Variants in PRELID2 observed in about 807,000 individuals in gnomAD.
The protein encoded by PRELID2 is PRELI domain containing 2.
PRELID2 carries 25 observed loss-of-function variants against 28.4 expected under a neutral mutation model. The ratio of observed to expected loss-of-function variants is 0.88; its 90% CI spans 0.64 to 1.23. The LOEUF is 1.23. Among genes scored for constraint, PRELID2 ranks in the 50% most tolerant of loss-of-function variants. The pLI, the probability that PRELID2 is intolerant of heterozygous loss-of-function variation, is 0.00. For synonymous variants in PRELID2, 76 were observed against 71.6 expected, an observed-to-expected ratio of 1.06 and a Z score of -0.31; for missense variants, 201 against 214.4, an observed-to-expected ratio of 0.94 and a Z score of 0.39.
intron 1 of PRELID2, among the ~76,000 whole-genome samples, chr5:145,492,854 C>T (rs2126627957): frequency 7.1e-6 from 1 of 140,786 alleles, no homozygotes; most frequent in African/African-American, 2.5e-5. Context: ...TATGGTCCCA[C>T]CTGGCACCAG....
At chr5:145,332,090 G>T in the PRELID2 span, among the ~76,000 whole-genome samples, 4 of 152,110 alleles carry the variant, frequency 2.6e-5, no homozygotes, top group Non-Finnish European at 5.9e-5. Context: ...GTTGAATATT[G>T]GCCCCCACTC....
intron 1 of PRELID2, among the ~76,000 whole-genome samples, chr5:145,740,581 T>A (rs1454277504): frequency 2.8e-3 from 6 of 2,160 alleles, no homozygotes; most frequent in South Asian, 9.3e-3. Context: ...AATATATATA[T>A]TATATATATA....
chr5:145,459,510 C>T, the PRELID2 span, among the ~76,000 whole-genome samples: 1 of 152,032 alleles, frequency 6.6e-6, no homozygotes, highest in Non-Finnish European at 1.5e-5. Flanking sequence ...CATAATCTAC[C>T]ATTTATATGT....
intron 1 of PRELID2, among the ~76,000 whole-genome samples, chr5:145,726,502 G>C (rs1756170339): frequency 6.6e-6 from 1 of 152,102 alleles, no homozygotes; most frequent in African/African-American, 2.4e-5. Flanking sequence ...TTTAATTCCT[G>C]GAGATGGATG....
chr5:145,734,419 A>G (rs957078930), intron 1 of PRELID2, among the ~76,000 whole-genome samples: 2 of 152,248 alleles, frequency 1.3e-5, no homozygotes, highest in Non-Finnish European at 2.9e-5. Flanking sequence ...ACCAGTTTAC[A>G]TAATAGGTGA....
At chr5:145,600,429 A>AT (rs1753376146) in intron 1 of PRELID2, among the ~76,000 whole-genome samples, 10 of 132,292 alleles carry the variant, frequency 7.6e-5, no homozygotes, top group East Asian at 4.3e-4. Flanking sequence ...GGAAAAAAAA[A>AT]AAAAAATATA....
At chr5:145,777,563 C>T (rs757012887) in intron 5 of PRELID2, among the ~76,000 whole-genome samples, 4 of 152,190 alleles carry the variant, frequency 2.6e-5, no homozygotes, top group Admixed American at 6.5e-5. Flanking sequence ...AGCAGCTGCT[C>T]CAAATGGCCT....
At chr5:145,740,364 G>C (rs1471328339) in intron 1 of PRELID2, among the ~76,000 whole-genome samples, 1 of 124,536 alleles carries the variant, frequency 8.0e-6, no homozygotes, top group East Asian at 2.3e-4. Flanking sequence ...TGCAAAATAT[G>C]TGCAGCAAAA....
At chr5:145,482,906 T>C (rs1752175482) in intron 1 of PRELID2, among the ~76,000 whole-genome samples, 1 of 151,976 alleles carries the variant, frequency 6.6e-6, no homozygotes, top group African/African-American at 2.4e-5. Flanking sequence ...AATGTGCTGC[T>C]GATCTGACAG....
chr5:145,532,055 C>T (rs925311554), intron 1 of PRELID2, among the ~76,000 whole-genome samples: 3 of 152,028 alleles, frequency 2.0e-5, no homozygotes, highest in Admixed American at 1.3e-4. Context: ...CTTGTAGTAA[C>T]AGCTCAATAA....
At chr5:145,419,164 A>G in the PRELID2 span, among the ~76,000 whole-genome samples, 2 of 150,484 alleles carry the variant, frequency 1.3e-5, no homozygotes, top group East Asian at 2.0e-4. Flanking sequence ...AGTCTTTGCT[A>G]TTGTGAATAA....
At chr5:145,446,902 T>C in the PRELID2 span, among the ~76,000 whole-genome samples, 4 of 151,542 alleles carry the variant, frequency 2.6e-5, no homozygotes, top group African/African-American at 9.7e-5. Context: ...CAAAATTAGC[T>C]AGGCATGGTG....
rs1405560887 is a variant in PRELID2 at position 145,740,286 on chromosome 5, AT to A, written n.70+24644del. 2.1e-3 allele frequency among the ~76,000 whole-genome samples: 162 copies of A among 76,382 alleles called. 6 individuals carry two copies. The highest frequency in any genetic ancestry group is 8.1e-3 in the African/African-American group (151 of 18,642). The allele number at this position is 76,382 out of a possible 152,430, so 50.1% of individuals were successfully genotyped here. A position where few individuals can be genotyped will look rare whatever the true frequency, so the allele number is the denominator to read the frequency against. ...ATCAAATATATATATATATATATAT[AT>A]ATATATATATATATATATATATATA... On this transcript the variant is annotated intron_variant and non_coding_transcript_variant, in intron 1 of 2. Transcript: ENST00000510259.
At chr5:145,500,078 C>T (rs1042381689) in intron 1 of PRELID2, among the ~76,000 whole-genome samples, 2 of 152,106 alleles carry the variant, frequency 1.3e-5, no homozygotes, top group African/African-American at 4.8e-5. Flanking sequence ...GAAGTTGTGT[C>T]GCAAGGTGGG....
chr5:145,663,651 G>A (rs560117273), intron 1 of PRELID2, among the ~76,000 whole-genome samples: 5 of 152,054 alleles, frequency 3.3e-5, no homozygotes, highest in South Asian at 2.1e-4. Context: ...TTATTAATAC[G>A]TGCCACACCA....
chr5:145,756,111 G>A (rs115866371), downstream of PRELID2, among the ~76,000 whole-genome samples: 530 of 152,194 alleles, frequency 3.5e-3, 4 homozygotes, highest in African/African-American at 0.012. Flanking sequence ...CTGGTCCTTC[G>A]TTCCATTAGC....
intron 1 of PRELID2, among the ~76,000 whole-genome samples, chr5:145,694,888 C>A (rs1755226309): frequency 2.0e-5 from 3 of 151,712 alleles, no homozygotes; most frequent in Admixed American, 2.0e-4. Context: ...AAAGGGTAGT[C>A]ATGCTAAGCC....
the PRELID2 span, among the ~76,000 whole-genome samples, chr5:145,410,996 A>C: frequency 6.6e-6 from 1 of 152,088 alleles, no homozygotes; most frequent in East Asian, 1.9e-4. Context: ...AAATACACCC[A>C]TTCCAAATGG....
intron 5 of PRELID2, among the ~76,000 whole-genome samples, chr5:145,776,223 T>C (rs1758400037): frequency 1.3e-5 from 2 of 152,186 alleles, no homozygotes; most frequent in Admixed American, 6.5e-5. Flanking sequence ...TCCTGGCACA[T>C]GAATCATCTC....
Sources: allele counts gnomAD v4.1 joint callset (sites outside exome capture counted in the v4.1 genomes callset), GRCh38; gene constraint gnomAD v4.1.1; transcripts MANE v1.5; gene names NCBI Gene and HGNC (gene_info 2026-07-23, HGNC 2026-07-21).